ABTB2: variants seen among roughly 807,000 people sequenced by gnomAD.
ABTB2 encodes ankyrin repeat and BTB domain containing 2, also known as ankyrin repeat and BTB/POZ domain-containing protein 2.
Under a neutral mutation model 104.1 loss-of-function variants are expected in ABTB2, and 56 were observed. The observed-to-expected ratio is 0.54, with a 90% CI of 0.43 to 0.67. ABTB2 has a LOEUF of 0.67. Ranked by LOEUF, ABTB2 falls within the 30% of genes least tolerant of loss-of-function variation. ABTB2 has a pLI of 0.00. For synonymous variants in ABTB2, 606 were observed against 608.2 expected (o/e 1.00, Z 0.05); for missense variants, 1,279 against 1,407.7 (o/e 0.91, Z 1.46).
chr11:34,346,092 T>C (rs994899964), intron 1 of ABTB2, among the ~76,000 whole-genome samples: 33 of 152,158 alleles, frequency 2.2e-4, no homozygotes, highest in Admixed American at 6.5e-4. Context: ...GCCTTCAGCA[T>C]TCCTGGCAGC....
At chr11:34,290,823 C>T (rs911035021) in intron 1 of ABTB2, among the ~76,000 whole-genome samples, 4 of 152,228 alleles carry the variant, frequency 2.6e-5, no homozygotes, top group African/African-American at 9.6e-5. Context: ...AGGAATTCCA[C>T]AGACAGGCCT....
At chr11:34,323,547 C>G (rs1224048260) in intron 1 of ABTB2, among the ~76,000 whole-genome samples, 1 of 152,158 alleles carries the variant, frequency 6.6e-6, no homozygotes. Flanking sequence ...ACTATCGGCT[C>G]GTTCTCTGTT....
intron 1 of ABTB2, among the ~76,000 whole-genome samples, chr11:34,313,451 C>T (rs1854883356): frequency 6.6e-6 from 1 of 152,226 alleles, no homozygotes; most frequent in African/African-American, 2.4e-5. Context: ...CAACCTGCAC[C>T]ACCATCAGGC....
At chr11:34,198,214 C>T (rs1035475775) in intron 2 of ABTB2, among the ~76,000 whole-genome samples, 1 of 152,130 alleles carries the variant, frequency 6.6e-6, no homozygotes, top group Non-Finnish European at 1.5e-5. Flanking sequence ...CACTTTAGGC[C>T]AGGAGTTTGA....
chr11:34,154,496 T>A lies in ABTB2; in HGVS notation c.2767-118A>T. On this transcript the variant is annotated intron_variant, in intron 15 of 16. Coordinates refer to ENST00000435224, the MANE Select transcript of ABTB2 (RefSeq NM_145804.3). The surrounding 1 kb of genome is among the most constrained non-coding windows in gnomAD (Gnocchi z 4.9). ...TGCTGCCTCCACCCTCAGGCCCCAC[T>A]ACCTTCTGATACTCCTGGGCCTAAC... 1 of 847,990 alleles carries A rather than the reference T, an allele frequency of 1.2e-6. No homozygotes were observed. Among genetic ancestry groups the A allele is most frequent in the Admixed American group, 2.1e-5 (1 of 48,316 alleles). The allele number at this position is 847,990 out of a possible 1,614,324, so 52.5% of individuals were successfully genotyped here. A position where few individuals can be genotyped will look rare whatever the true frequency, so the allele number is the denominator to read the frequency against.
intron 1 of ABTB2, among the ~76,000 whole-genome samples, chr11:34,216,338 C>T (rs1029463152): frequency 3.3e-5 from 5 of 152,154 alleles, no homozygotes; most frequent in African/African-American, 7.2e-5. Flanking sequence ...CCCTCCCTGC[C>T]CAACCCCTGG....
rs1564940396 is a variant in ABTB2 at position 34,356,039 on chromosome 11, C to T, written c.883+662G>A. Among the ~76,000 whole-genome samples the T allele has an allele frequency of 1.3e-5, 2 of 152,290 alleles. No homozygotes were observed. Among genetic ancestry groups the T allele is most frequent in the Admixed American group, 6.5e-5 (1 of 15,302 alleles). On this transcript the variant is annotated intron_variant, in intron 1 of 16. Transcript: ENST00000435224. The surrounding 1 kb of genome is among the most constrained non-coding windows in gnomAD (Gnocchi z 4.6). ...CTTGGAAAAATCAGGTCTCAGGAGA[C>T]AATCTGTGGTTACTTTTCTGGGAAG...
chr11:34,293,137 G>A (rs1260434591), intron 1 of ABTB2, among the ~76,000 whole-genome samples: 1 of 152,128 alleles, frequency 6.6e-6, no homozygotes, highest in African/African-American at 2.4e-5. Context: ...CTCACAGACT[G>A]GGTATGGTGT....
At chr11:34,288,394 G>C (rs1344612437) in intron 1 of ABTB2, among the ~76,000 whole-genome samples, 2 of 152,052 alleles carry the variant, frequency 1.3e-5, no homozygotes, top group Non-Finnish European at 2.9e-5. Flanking sequence ...CATAAACAAA[G>C]AAAACAAACA....
In ABTB2 at chr11:34,213,777, T is replaced by G. The variant is rs564324914; in HGVS notation, c.884-9087A>C. On this transcript the variant is annotated intron_variant, in intron 1 of 16. Coordinates refer to ENST00000435224, the MANE Select transcript of ABTB2 (RefSeq NM_145804.3). Reference sequence around the variant, plus strand: ...ACCAAGCAGATCAATTTCAGGAAATTAAACCTAAAGGTGAACCCTGGAAAA... The same window carrying G: ...ACCAAGCAGATCAATTTCAGGAAATGAAACCTAAAGGTGAACCCTGGAAAA... Among the ~76,000 whole-genome samples the G allele has an allele frequency of 5.3e-5, 8 of 152,262 alleles. No homozygotes were observed. The South Asian group carries it at 1.5e-3, about 28-fold the overall frequency.
At chr11:34,158,880 A>C (rs892179003) in intron 14 of ABTB2, among the ~76,000 whole-genome samples, 11 of 152,248 alleles carry the variant, frequency 7.2e-5, no homozygotes, top group Non-Finnish European at 1.3e-4. Flanking sequence ...TGCACTGAGC[A>C]CATGGCCACC....
At chr11:34,229,288 C>T (rs1853733476) in intron 1 of ABTB2, among the ~76,000 whole-genome samples, 2 of 151,708 alleles carry the variant, frequency 1.3e-5, no homozygotes. Flanking sequence ...CAAGACCATC[C>T]TGGCTAACAC....
chr11:34,302,715 T>G (rs2133099875), intron 1 of ABTB2, among the ~76,000 whole-genome samples: 1 of 152,326 alleles, frequency 6.6e-6, no homozygotes, highest in East Asian at 1.9e-4. Flanking sequence ...CTAAGGAGCC[T>G]CACTCCCTCC....
chr11:34,259,615 T>C (rs1340107658), intron 1 of ABTB2, among the ~76,000 whole-genome samples: 1 of 152,136 alleles, frequency 6.6e-6, no homozygotes, highest in African/African-American at 2.4e-5. Context: ...ACTGTCTCTT[T>C]CTCTCCCTTT....
rs935691933 is a variant in ABTB2 at position 34,337,611 on chromosome 11, G to A, written c.883+19090C>T. ...TGTGTGTATGGGTGACCTCGAGCAAGTCATTTCAACTATCTCAAGGCCTCA... is the reference window on the plus strand; with the variant it reads ...TGTGTGTATGGGTGACCTCGAGCAAATCATTTCAACTATCTCAAGGCCTCA... On this transcript the variant is annotated intron_variant, in intron 1 of 16. Coordinates refer to ENST00000435224, the MANE Select transcript of ABTB2 (RefSeq NM_145804.3). 9.2e-5 allele frequency among the ~76,000 whole-genome samples: 14 copies of A among 152,152 alleles called. 1 individual carries two copies. Among genetic ancestry groups the A allele is most frequent in the Admixed American group, 9.2e-4 (14 of 15,274 alleles).
At chr11:34,172,439 T>TAGATAGATAGATAGATAGATAGAC (rs1852894353) in intron 4 of ABTB2, among the ~76,000 whole-genome samples, 1 of 90,830 alleles carries the variant, frequency 1.1e-5, no homozygotes, top group African/African-American at 5.2e-5. Context: ...TGTGTGTATA[T>TAGATAGATAGATAGATAGATAGAC]AGATAGATAG....
intron 1 of ABTB2, chr11:34,335,681 T>C: frequency 1.4e-6 from 2 of 1,402,240 alleles, no homozygotes; most frequent in Non-Finnish European, 1.0e-6. Context: ...TGTCTTTCAC[T>C]TGATAAAGTT....
At chr11:34,204,399 C>G (rs1853379899) in intron 2 of ABTB2, 145 bp downstream of exon 2, 1 of 1,001,100 alleles carries the variant, frequency 1.0e-6, no homozygotes. Flanking sequence ...CTAGAAAGAT[C>G]TAGCTTTCAG....
intron 1 of ABTB2, among the ~76,000 whole-genome samples, chr11:34,267,977 C>T (rs1234321751): frequency 3.9e-5 from 6 of 152,222 alleles, no homozygotes; most frequent in African/African-American, 1.4e-4. Context: ...GTTGCCCAGG[C>T]TGGAGTGCAG....
Sources: gnomAD v4.1 joint callset for allele counts (sites outside exome capture counted in the v4.1 genomes callset) on GRCh38, gnomAD v4.1.1 for gene constraint, Gnocchi (gnomAD v3.1) non-coding constraint, MANE v1.5 for transcripts, NCBI Gene and HGNC (gene_info 2026-07-23, HGNC 2026-07-21) for gene names.